Variants in FAT3 observed in about 807,000 individuals in gnomAD.
FAT3 encodes the protein protocadherin Fat 3.
A neutral mutation model predicts 310.2 loss-of-function variants in FAT3; 95 were observed. The observed-to-expected ratio is 0.31, with a 90% CI of 0.26 to 0.36. FAT3 has a LOEUF of 0.36. FAT3 is among the 10% of genes least tolerant of loss of function. The pLI, the probability that FAT3 is intolerant of heterozygous loss-of-function variation, is 1.00. For missense variants in FAT3, 5,408 were observed against 5,715.6 expected (o/e 0.95, Z 1.74); for synonymous variants, 2,314 against 2,192.9 (o/e 1.06, Z -1.54).
chr11:92,513,928 G>C (rs1444935583), intron 2 of FAT3, among the ~76,000 whole-genome samples: 1 of 152,084 alleles, frequency 6.6e-6, no homozygotes, highest in Non-Finnish European at 1.5e-5. Context: ...CATTCTTTTG[G>C]AGCAAGATGT....
chr11:92,627,406 C>T (rs1237977387), intron 3 of FAT3, among the ~76,000 whole-genome samples: 1 of 152,098 alleles, frequency 6.6e-6, no homozygotes, highest in Non-Finnish European at 1.5e-5. Context: ...TGAAGTTCTC[C>T]TTATTTAACA....
chr11:92,363,609 A>G (rs1385688109), intron 2 of FAT3, among the ~76,000 whole-genome samples: 3 of 152,174 alleles, frequency 2.0e-5, no homozygotes, highest in African/African-American at 7.2e-5. Flanking sequence ...TCCAGACTAA[A>G]TGGCATCCCT....
chr11:92,529,107 G>T (rs914799353), intron 3 of FAT3, among the ~76,000 whole-genome samples: 2 of 152,144 alleles, frequency 1.3e-5, no homozygotes, highest in African/African-American at 4.8e-5. Context: ...GAAATACATT[G>T]GAAGATACTT....
chr11:92,484,639 A>G (rs548113297), intron 2 of FAT3, among the ~76,000 whole-genome samples: 4 of 152,328 alleles, frequency 2.6e-5, no homozygotes, highest in African/African-American at 7.2e-5. Context: ...TATGTAAATT[A>G]CTGAAAAAAA....
At chr11:92,311,181 C>T (rs1947295670) in intron 1 of FAT3, among the ~76,000 whole-genome samples, 1 of 151,668 alleles carries the variant, frequency 6.6e-6, no homozygotes, top group Non-Finnish European at 1.5e-5. Flanking sequence ...GAAAAATGTA[C>T]CTTTGGTTAA....
At chr11:92,472,590 C>G (rs370881074) in intron 2 of FAT3, among the ~76,000 whole-genome samples, 2 of 152,144 alleles carry the variant, frequency 1.3e-5, no homozygotes, top group Admixed American at 6.6e-5. Context: ...TAATTCAAGT[C>G]GACACATGTT....
chr11:92,433,084 T>A (rs1298793086), intron 2 of FAT3, among the ~76,000 whole-genome samples: 1 of 152,052 alleles, frequency 6.6e-6, no homozygotes, highest in Non-Finnish European at 1.5e-5. Context: ...TGCCCCTCCC[T>A]CCATCAAGCT....
rs1402169093 is a variant in FAT3 at position 92,892,958 on chromosome 11, T to C, written c.*1845T>C. Reference sequence around the variant, plus strand: ...AATCAGATTACGGCCGCCTGTGCAGTGGCCATGGTAAATATATGCATATTT... The same window carrying C: ...AATCAGATTACGGCCGCCTGTGCAGCGGCCATGGTAAATATATGCATATTT... On this transcript the variant is annotated 3_prime_UTR_variant, in exon 28 of 28. Transcript: ENST00000525166. The C allele has an allele frequency of 2.6e-5, 4 of 152,194 alleles. No homozygotes were observed. The highest frequency in any genetic ancestry group is 9.7e-5 in the African/African-American group (4 of 41,450). The allele number at this position is 152,194 out of a possible 1,614,324, so 9.4% of individuals were successfully genotyped here. A position where few individuals can be genotyped will look rare whatever the true frequency, so the allele number is the denominator to read the frequency against.
chr11:92,758,063 A>C (rs564287510), intron 4 of FAT3, among the ~76,000 whole-genome samples: 3 of 152,314 alleles, frequency 2.0e-5, no homozygotes, highest in Non-Finnish European at 4.4e-5. Context: ...GTTAATTTTC[A>C]TACAGAGACC....
chr11:92,529,455 T>A (rs1355847117), intron 3 of FAT3, among the ~76,000 whole-genome samples: 1 of 152,234 alleles, frequency 6.6e-6, no homozygotes, highest in African/African-American at 2.4e-5. Flanking sequence ...TGGTAAGATA[T>A]TAGAAGTAGC....
Position 92,844,485 on chromosome 11 carries a change from GATGCACAGC to G in FAT3, c.11120_11128del (p.Met3707_Ser3709del). The G allele has an allele frequency of 6.2e-7, 1 of 1,613,958 alleles. No individual in the cohort carries two copies. The highest frequency in any genetic ancestry group is 8.5e-7 in the Non-Finnish European group (1 of 1,179,870). On this transcript the variant is annotated inframe_deletion, in exon 19 of 28. Coordinates refer to ENST00000525166, the MANE Select transcript of FAT3 (RefSeq NM_001367949.2). Reference sequence around the variant, plus strand: ...AACTGGACATGCTGTTTGCGGTGGAGATGCACAGCAGCGAGTTCTACAAGCCAGCCTACC... The same window carrying G: ...AACTGGACATGCTGTTTGCGGTGGAGAGCGAGTTCTACAAGCCAGCCTACC...
At position 92,896,381 on chromosome 11, in the gene FAT3, C is replaced by A. The variant is rs1336509132; in HGVS notation, c.*5268C>A. 2 of 144,274 alleles carry A rather than the reference C, an allele frequency of 1.4e-5. No individual in the cohort carries two copies. Among genetic ancestry groups the A allele is most frequent in the African/African-American group, 2.5e-5 (1 of 39,356 alleles). 8.9% of individuals were successfully genotyped at this position (144,274 alleles called of 1,614,324 possible). On this transcript the variant is annotated 3_prime_UTR_variant, in exon 28 of 28. Transcript: ENST00000525166. ...GACAGCCAAAAAAAAGAAACAACAACAACAAAAAAAAACACAACAGTGTAC... is the reference window on the plus strand; with the variant it reads ...GACAGCCAAAAAAAAGAAACAACAAAAACAAAAAAAAACACAACAGTGTAC...
At chr11:92,719,483 A>C (rs1944793064) in intron 4 of FAT3, among the ~76,000 whole-genome samples, 1 of 129,872 alleles carries the variant, frequency 7.7e-6, no homozygotes. Context: ...ATTTGCATAT[A>C]AACTATGAAC....
At chr11:92,890,059 C>A (rs183487868) in intron 27 of FAT3, among the ~76,000 whole-genome samples, 168 bp downstream of exon 27, 1 of 152,342 alleles carries the variant, frequency 6.6e-6, no homozygotes, top group Admixed American at 6.5e-5. Flanking sequence ...CCCCTCCTAG[C>A]CTCATCCTCT....
intron 3 of FAT3, among the ~76,000 whole-genome samples, chr11:92,565,215 A>T (rs1455747132): frequency 4.0e-5 from 6 of 151,462 alleles, no homozygotes; most frequent in Non-Finnish European, 7.4e-5. Context: ...ATCACCACCG[A>T]TCCCACGGAA....
chr11:92,334,778 G>C (rs1463445452), intron 1 of FAT3, among the ~76,000 whole-genome samples: 1 of 152,172 alleles, frequency 6.6e-6, no homozygotes, highest in Non-Finnish European at 1.5e-5. Context: ...GATGCCAGTT[G>C]AAACAGCCCC....
intron 2 of FAT3, among the ~76,000 whole-genome samples, chr11:92,407,734 C>T (rs891280322): frequency 2.5e-4 from 38 of 152,132 alleles, no homozygotes; most frequent in African/African-American, 6.3e-4. Flanking sequence ...TCATCTGACA[C>T]GTATTAATTC....
intron 3 of FAT3, chr11:92,559,544 C>T: frequency 3.4e-6 from 1 of 292,176 alleles, no homozygotes; most frequent in Non-Finnish European, 6.9e-6. Flanking sequence ...ACCGCCATGC[C>T]CAGCTACTTT....
At chr11:92,321,392 G>A (rs1351323088) in intron 1 of FAT3, among the ~76,000 whole-genome samples, 1 of 151,388 alleles carries the variant, frequency 6.6e-6, no homozygotes, top group South Asian at 2.1e-4. Flanking sequence ...AGCCGAGATC[G>A]CGCCACTGCA....
Sources: gnomAD v4.1 joint callset for allele counts (sites outside exome capture counted in the v4.1 genomes callset) on GRCh38, gnomAD v4.1.1 for gene constraint, MANE v1.5 for transcripts, NCBI Gene and HGNC (gene_info 2026-07-23, HGNC 2026-07-21) for gene names.